PCDHA10: variants seen among roughly 807,000 people sequenced by gnomAD.
PCDHA10 encodes protocadherin alpha-10.
PCDHA10 carries 45 observed loss-of-function variants against 61.2 expected under a neutral mutation model. That is an observed-to-expected ratio of 0.74 (90% CI 0.58 to 0.94). The LOEUF is 0.94. Ranked by LOEUF, PCDHA10 falls within the 40% of genes least tolerant of loss-of-function variation. The probability of loss-of-function intolerance (pLI) is 0.00; values close to 1 mark genes in which losing one functional copy is unlikely to be tolerated. For missense variants in PCDHA10, 1,278 were observed against 1,236.2 expected (o/e 1.03, Z -0.51); for synonymous variants, 602 against 548.8 (o/e 1.10, Z -1.35).
At chr5:140,959,886 G>A (rs1171381497) in intron 1 of PCDHA10, among the ~76,000 whole-genome samples, 1 of 152,194 alleles carries the variant, frequency 6.6e-6, no homozygotes, top group Non-Finnish European at 1.5e-5. Flanking sequence ...GAATACACGA[G>A]TGGGATTTAT....
chr5:140,957,021 T>C (rs1431974405), intron 1 of PCDHA10, among the ~76,000 whole-genome samples: 3 of 152,182 alleles, frequency 2.0e-5, no homozygotes, highest in Non-Finnish European at 2.9e-5. Context: ...AGTGAGCATT[T>C]AGATATTTAT....
chr5:140,871,134 C>T, intron 1 of PCDHA10: 1 of 1,613,414 alleles, frequency 6.2e-7, no homozygotes, highest in Non-Finnish European at 8.5e-7. Flanking sequence ...CGCCAAAGGC[C>T]TCTTCCCGGA....
In PCDHA10 at chr5:140,913,634, C is replaced by T. The variant is rs145807488; in HGVS notation, c.2388+55198C>T. On this transcript the variant is annotated intron_variant, in intron 1 of 3. Transcript: ENST00000307360. ...TACTAATTTTGGATTCAGTTTGCTG[C>T]TGCTTTTCTAGTTCTTTAAGATGTA... Among the ~76,000 whole-genome samples the T allele has an allele frequency of 8.0e-3, 1,219 of 152,090 alleles. 7 individuals carry two copies. Among genetic ancestry groups the T allele is most frequent in the African/African-American group, 0.019 (785 of 41,506 alleles).
chr5:140,902,142 A>T (rs2069127125), intron 1 of PCDHA10, among the ~76,000 whole-genome samples: 1 of 151,120 alleles, frequency 6.6e-6, no homozygotes, highest in African/African-American at 2.4e-5. Flanking sequence ...GCAAACAAGG[A>T]TAATTTGATT....
intron 3 of PCDHA10, among the ~76,000 whole-genome samples, chr5:140,991,929 C>T (rs1250639930): frequency 1.3e-5 from 2 of 152,088 alleles, no homozygotes; most frequent in South Asian, 2.1e-4. Flanking sequence ...ATAACATATT[C>T]ACAAGTTCTA....
At chr5:140,980,835 T>A (rs2096907301) in intron 2 of PCDHA10, among the ~76,000 whole-genome samples, 1 of 152,220 alleles carries the variant, frequency 6.6e-6, no homozygotes, top group South Asian at 2.1e-4. Flanking sequence ...GTTGTGAACC[T>A]AAATAATACT....
In PCDHA10 at chr5:141,010,151, C is replaced by T. The variant is rs1554262715; in HGVS notation, c.*214C>T. 1 of 1,578,076 alleles carries T rather than the reference C, an allele frequency of 6.3e-7. No homozygotes were observed. Among genetic ancestry groups the T allele is most frequent in the South Asian group, 1.1e-5 (1 of 87,432 alleles). On this transcript the variant is annotated 3_prime_UTR_variant, in exon 4 of 4. Transcript: ENST00000307360. The stretch of plus-strand genomic sequence containing the variant: ...CTGGTGTTAACTCTTTCTCTCCACT[C>T]TGGCTTGTTTTCAGAACCTAAAAAG...
chr5:140,867,407 T>C (rs1376336154), intron 1 of PCDHA10: 1 of 152,154 alleles, frequency 6.6e-6, no homozygotes, highest in African/African-American at 2.4e-5. Flanking sequence ...ATATGTCTCC[T>C]TTAATTTTTT....
intron 1 of PCDHA10, among the ~76,000 whole-genome samples, chr5:140,945,282 T>C (rs1554216856): frequency 6.6e-6 from 1 of 152,062 alleles, no homozygotes; most frequent in African/African-American, 2.4e-5. Context: ...TTTAAAACAT[T>C]GATGAAAGAA....
At chr5:140,927,147 G>T (rs1554204095) in intron 1 of PCDHA10, 5 of 1,614,162 alleles carry the variant, frequency 3.1e-6, no homozygotes, top group Non-Finnish European at 4.2e-6. Context: ...ACCGCGAACA[G>T]CTGTGCAGGG....
chr5:140,997,713 T>C (rs2097782364), intron 3 of PCDHA10, among the ~76,000 whole-genome samples: 1 of 151,942 alleles, frequency 6.6e-6, no homozygotes, highest in African/African-American at 2.4e-5. Flanking sequence ...AACAAACACC[T>C]TTCTACGTCA....
At chr5:140,989,598 TA>T (rs1554250927) in intron 3 of PCDHA10, among the ~76,000 whole-genome samples, 1 of 152,144 alleles carries the variant, frequency 6.6e-6, no homozygotes, top group Non-Finnish European at 1.5e-5. Flanking sequence ...CTGACACAAG[TA>T]AACTAAAAAT....
intron 3 of PCDHA10, among the ~76,000 whole-genome samples, chr5:141,000,419 A>ATTTT (rs1563652468): frequency 3.0e-4 from 18 of 60,988 alleles, no homozygotes; most frequent in East Asian, 5.4e-4. Context: ...ATATATATAT[A>ATTTT]TATTTTTTTT....
intron 1 of PCDHA10, among the ~76,000 whole-genome samples, chr5:140,918,473 T>A (rs1385942505): frequency 6.6e-6 from 1 of 152,166 alleles, no homozygotes; most frequent in African/African-American, 2.4e-5. Context: ...ATTCCAAGTC[T>A]CAAGGGGAAT....
At chr5:140,942,679 G>T (rs549826522) in intron 1 of PCDHA10, among the ~76,000 whole-genome samples, 8 of 151,904 alleles carry the variant, frequency 5.3e-5, no homozygotes, top group Non-Finnish European at 8.8e-5. Flanking sequence ...AAAGTTTTAG[G>T]AATAACTTTA....
At chr5:140,952,242 C>T (rs1469286013) in intron 1 of PCDHA10, among the ~76,000 whole-genome samples, 2 of 151,750 alleles carry the variant, frequency 1.3e-5, no homozygotes, top group African/African-American at 4.8e-5. Context: ...CTGCTTAGAA[C>T]TGCTGGTGGA....
At chr5:141,009,584 AT>A in intron 3 of PCDHA10, 42 bp from the exon 4 acceptor site, 1 of 1,592,004 alleles carries the variant, frequency 6.3e-7, no homozygotes, top group Non-Finnish European at 8.6e-7. Flanking sequence ...CATCAAGAGC[AT>A]GTGTTGACCC....
chr5:140,938,899 A>C (rs1175857132), intron 1 of PCDHA10, among the ~76,000 whole-genome samples: 1 of 151,886 alleles, frequency 6.6e-6, no homozygotes, highest in Non-Finnish European at 1.5e-5. Flanking sequence ...ACAGATGCGC[A>C]CACACACACA....
chr5:140,876,466 G>C, intron 1 of PCDHA10: 1 of 1,614,018 alleles, frequency 6.2e-7, no homozygotes, highest in Non-Finnish European at 8.5e-7. Flanking sequence ...TTCCATGGCA[G>C]GTCACAGCAT....
Sources: gnomAD v4.1 joint callset for allele counts (sites outside exome capture counted in the v4.1 genomes callset) on GRCh38, gnomAD v4.1.1 for gene constraint, MANE v1.5 for transcripts, NCBI Gene and HGNC (gene_info 2026-07-23, HGNC 2026-07-21) for gene names.